The following PARD3B variants were observed in gnomAD, a reference collection of about 807,000 sequenced individuals.
The protein encoded by PARD3B is partitioning defective 3 homolog B.
Under a neutral mutation model 130.2 loss-of-function variants are expected in PARD3B, and 103 were observed. The observed-to-expected ratio is 0.79, with a 90% CI of 0.67 to 0.93. PARD3B has a LOEUF of 0.93. PARD3B is among the 40% of genes least tolerant of loss of function. The pLI is 0.00. For missense variants in PARD3B, 1,609 were observed against 1,499.2 expected, an observed-to-expected ratio of 1.07 and a Z score of -1.21; for synonymous variants, 583 against 553.2, an observed-to-expected ratio of 1.05 and a Z score of -0.76.
intron 2 of PARD3B, among the ~76,000 whole-genome samples, chr2:204,705,826 C>T (rs781461339): frequency 4.5e-4 from 68 of 152,234 alleles, no homozygotes; most frequent in Non-Finnish European, 7.2e-4. Flanking sequence ...TTTGACCGAA[C>T]GCTAGCCAAG....
intron 10 of PARD3B, among the ~76,000 whole-genome samples, chr2:205,153,773 C>T (rs933785062): frequency 2.0e-5 from 3 of 152,072 alleles, no homozygotes; most frequent in African/African-American, 7.2e-5. Flanking sequence ...TTCAACAAAC[C>T]TGACAAAAAC....
Position 205,146,725 on chromosome 2 carries a change from ATTTTTTGT to A in PARD3B, c.1435-11984_1435-11977del, listed in dbSNP as rs893631385. ...ATATAAAAGGACACATTCTTTTTTT[ATTTTTTGT>A]TTTTTTGTTTTTAAGATGGAGTCTC... On this transcript the variant is annotated intron_variant, in intron 10 of 22. Transcript: ENST00000406610. The surrounding 1 kb of genome is among the most constrained non-coding windows in gnomAD (Gnocchi z 4.3). 2.0e-5 allele frequency among the ~76,000 whole-genome samples: 3 copies of A among 151,442 alleles called. No individual in the cohort carries two copies. Among genetic ancestry groups the A allele is most frequent in the Admixed American group, 1.3e-4 (2 of 15,204 alleles).
At chr2:204,722,346 C>T (rs1275901678) in intron 2 of PARD3B, among the ~76,000 whole-genome samples, 2 of 152,140 alleles carry the variant, frequency 1.3e-5, no homozygotes, top group Non-Finnish European at 2.9e-5. Context: ...TTTCTTGTAT[C>T]TTGGGACTAG....
chr2:204,915,956 C>T (rs2047426158), intron 2 of PARD3B, among the ~76,000 whole-genome samples: 1 of 152,174 alleles, frequency 6.6e-6, no homozygotes, highest in African/African-American at 2.4e-5. Flanking sequence ...GTCGAAGGCC[C>T]ATGAGTGTCC....
In PARD3B at chr2:205,187,733, G is replaced by A. The variant is rs548564903; in HGVS notation, c.2024+1870G>A. ...AAAGTTTATATTGCTCCTCGCTGCT[G>A]TAAATCTTCATTACATGGTATGAAC... is the stretch of plus-strand genomic sequence containing the variant. On this transcript the variant is annotated intron_variant, in intron 14 of 22. Coordinates refer to ENST00000406610, the MANE Select transcript of PARD3B (RefSeq NM_001302769.2). The surrounding 1 kb of genome is among the most constrained non-coding windows in gnomAD (Gnocchi z 4.9). Among the ~76,000 whole-genome samples the A allele has an allele frequency of 2.0e-5, 3 of 152,338 alleles. No homozygotes were observed. The highest frequency in any genetic ancestry group is 7.2e-5 in the African/African-American group (3 of 41,584).
At chr2:204,564,054 G>A (rs777070906) in intron 1 of PARD3B, among the ~76,000 whole-genome samples, 4 of 152,180 alleles carry the variant, frequency 2.6e-5, no homozygotes, top group African/African-American at 7.2e-5. Flanking sequence ...GATTGCAGGC[G>A]TGAGCCACTG....
chr2:204,625,450 A>G (rs999285365), intron 1 of PARD3B, among the ~76,000 whole-genome samples: 2 of 152,162 alleles, frequency 1.3e-5, no homozygotes, highest in African/African-American at 2.4e-5. Context: ...TTTAGTGGAA[A>G]ACCACAACTG....
intron 3 of PARD3B, among the ~76,000 whole-genome samples, chr2:204,997,966 A>ATG (rs1170572943): frequency 6.7e-6 from 1 of 149,422 alleles, no homozygotes; most frequent in Non-Finnish European, 1.5e-5. Context: ...GTATGTGTAT[A>ATG]TATATATATG....
rs2037276715 is a variant in PARD3B at position 204,689,943 on chromosome 2, G to C, written c.222+3661G>C. ...TTTACGTAGTCACCACCATTGCTAA[G>C]AAAAGGTTGGTAATAGACCAAACTG... On this transcript the variant is annotated intron_variant, in intron 2 of 22. Transcript: ENST00000406610. The surrounding 1 kb of genome is among the most constrained non-coding windows in gnomAD (Gnocchi z 5.2). Among the ~76,000 whole-genome samples the C allele has an allele frequency of 1.3e-5, 2 of 152,238 alleles. No individual in the cohort carries two copies. Among genetic ancestry groups the C allele is most frequent in the South Asian group, 4.1e-4 (2 of 4,826 alleles).
At position 204,946,429 on chromosome 2, in the gene PARD3B, T is replaced by C. The variant is rs6754137; in HGVS notation, c.223-18723T>C. ...CCTTTTAGCTCTGCTTTTTCTGTTT[T>C]AAATATATGAAGTCTTCCCTTTCTT... On this transcript the variant is annotated intron_variant, in intron 2 of 22. Coordinates refer to ENST00000406610, the MANE Select transcript of PARD3B (RefSeq NM_001302769.2). 9.1e-3 allele frequency among the ~76,000 whole-genome samples: 1,370 copies of C among 151,032 alleles called. 24 individuals carry two copies. The highest frequency in any genetic ancestry group is 0.032 in the African/African-American group (1,300 of 41,260).
chr2:205,533,013 G>C lies in PARD3B; in HGVS notation c.3181-20311G>C, dbSNP rs138117153. Among the ~76,000 whole-genome samples the C allele has an allele frequency of 5.2e-3, 787 of 152,204 alleles. 2 individuals are homozygous for C. The highest frequency in any genetic ancestry group is 8.5e-3 in the Non-Finnish European group (576 of 67,978). On this transcript the variant is annotated intron_variant, in intron 21 of 22. Coordinates refer to ENST00000406610, the MANE Select transcript of PARD3B (RefSeq NM_001302769.2). ...TTGCCAGGAGGAATTCCTTTCAGTGGAATCAATGGAGCTTTATTAAAAACC... is the reference window on the plus strand; with the variant it reads ...TTGCCAGGAGGAATTCCTTTCAGTGCAATCAATGGAGCTTTATTAAAAACC...
At chr2:204,744,722 C>T (rs373583525) in intron 2 of PARD3B, among the ~76,000 whole-genome samples, 5 of 152,068 alleles carry the variant, frequency 3.3e-5, no homozygotes, top group Non-Finnish European at 5.9e-5. Flanking sequence ...GAGTGGGAGT[C>T]AAGGCTGTCA....
At chr2:204,592,158 C>G (rs1027560536) in intron 1 of PARD3B, among the ~76,000 whole-genome samples, 1 of 152,232 alleles carries the variant, frequency 6.6e-6, no homozygotes, top group African/African-American at 2.4e-5. Flanking sequence ...GGCCAAAGGT[C>G]TGAGGGGACC....
intron 22 of PARD3B, among the ~76,000 whole-genome samples, chr2:205,613,766 T>C (rs1056955133): frequency 6.6e-6 from 1 of 152,236 alleles, no homozygotes; most frequent in African/African-American, 2.4e-5. Flanking sequence ...TTCATCCTTA[T>C]AGATTTGTTC....
rs1461144889 is a variant in PARD3B, at chr2:205,388,434, A to C, written c.2631-12579A>C. Among the ~76,000 whole-genome samples the C allele has an allele frequency of 2.0e-5, 3 of 152,196 alleles. No homozygotes were observed. In the East Asian group the frequency reaches 5.8e-4, roughly 29 times the overall value. ...AGGCTGATGCTGTGGACAGACTATA[A>C]ATCAATTTCTGATTTCTTTGGTCAA... On this transcript the variant is annotated intron_variant, in intron 18 of 22. Transcript: ENST00000406610.
At position 204,607,503 on chromosome 2, in the gene PARD3B, A is replaced by G. The variant is rs527439808; in HGVS notation, c.120+61384A>G. On this transcript the variant is annotated intron_variant, in intron 1 of 22. Transcript: ENST00000406610. ...CTTCTGTTAAACTTGTTAAGTTGCC[A>G]ACATTACATGGTTTGACTGGGCCTT... is the stretch of plus-strand genomic sequence containing the variant. 2.0e-5 allele frequency among the ~76,000 whole-genome samples: 3 copies of G among 152,318 alleles called. No homozygotes were observed. In the East Asian group the frequency reaches 5.8e-4, roughly 29 times the overall value.
At chr2:204,969,302 G>T (rs183292613) in intron 3 of PARD3B, among the ~76,000 whole-genome samples, 13 of 152,162 alleles carry the variant, frequency 8.5e-5, no homozygotes, top group African/African-American at 1.2e-4. Flanking sequence ...TTTATTGAGC[G>T]CTTAAGTTCT....
At chr2:205,386,384 T>C (rs1189403389) in intron 18 of PARD3B, among the ~76,000 whole-genome samples, 1 of 152,182 alleles carries the variant, frequency 6.6e-6, no homozygotes, top group Non-Finnish European at 1.5e-5. Context: ...ACCACAGTGT[T>C]CTAACCAATT....
intron 10 of PARD3B, among the ~76,000 whole-genome samples, chr2:205,136,982 G>A (rs1417641316): frequency 6.6e-6 from 1 of 152,136 alleles, no homozygotes; most frequent in Non-Finnish European, 1.5e-5. Context: ...CATGCAGTGG[G>A]TATTCTAAAA....
Sources: allele counts gnomAD v4.1 joint callset (sites outside exome capture counted in the v4.1 genomes callset), GRCh38; gene constraint gnomAD v4.1.1; non-coding constraint Gnocchi (gnomAD v3.1); transcripts MANE v1.5; gene names NCBI Gene and HGNC (gene_info 2026-07-23, HGNC 2026-07-21).